Variants in CSMD1 observed in about 807,000 individuals in gnomAD.
CSMD1 encodes the protein CUB and sushi domain-containing protein 1.
CSMD1 carries 213 observed loss-of-function variants against 417.5 expected under a neutral mutation model. The ratio of observed to expected loss-of-function variants is 0.51; its 90% confidence interval spans 0.46 to 0.57. The LOEUF is 0.57. CSMD1 is among the 20% of genes least tolerant of loss of function. The pLI is 0.00. For synonymous variants in CSMD1, 2,862 were observed against 1,736.8 expected (o/e 1.65, Z -16.11); for missense variants, 6,923 against 4,529.7 (o/e 1.53, Z -15.17).
At chr8:3,994,489 C>G (rs1815048549) in intron 5 of CSMD1, among the ~76,000 whole-genome samples, 1 of 148,900 alleles carries the variant, frequency 6.7e-6, no homozygotes, top group South Asian at 2.1e-4. Context: ...AGTCTCACCA[C>G]TACACAAATC....
At chr8:4,586,521 CAAT>C (rs1799707846) in intron 2 of CSMD1, among the ~76,000 whole-genome samples, 1 of 152,138 alleles carries the variant, frequency 6.6e-6, no homozygotes, top group African/African-American at 2.4e-5. Context: ...CACAGCTTGG[CAAT>C]TTTCCAGGAA....
intron 1 of CSMD1, among the ~76,000 whole-genome samples, chr8:4,988,235 A>C (rs1811282792): frequency 6.6e-6 from 1 of 152,184 alleles, no homozygotes; most frequent in Non-Finnish European, 1.5e-5. Flanking sequence ...AGGATGAGGC[A>C]AACTTACATT....
At chr8:3,886,113 C>G (rs780411790) in intron 5 of CSMD1, among the ~76,000 whole-genome samples, 1 of 151,918 alleles carries the variant, frequency 6.6e-6, no homozygotes, top group Admixed American at 6.6e-5. Flanking sequence ...CACAGTGCTG[C>G]GATCTCAGCT....
chr8:3,426,727 A>C (rs2117002502), intron 12 of CSMD1, among the ~76,000 whole-genome samples: 1 of 152,318 alleles, frequency 6.6e-6, no homozygotes, highest in East Asian at 1.9e-4. Flanking sequence ...TAAACTTTAT[A>C]GTTTACTAAA....
At chr8:3,184,260 C>G (rs1037452818) in intron 36 of CSMD1, among the ~76,000 whole-genome samples, 1 of 152,198 alleles carries the variant, frequency 6.6e-6, no homozygotes, top group African/African-American at 2.4e-5. Context: ...ATTTCCCAAA[C>G]TAAGCCACTC....
chr8:3,383,552 C>CG (rs1422658035), intron 18 of CSMD1, among the ~76,000 whole-genome samples: 1 of 151,826 alleles, frequency 6.6e-6, no homozygotes. Context: ...ACCTCATGCA[C>CG]GAATGAAAAC....
At position 4,588,779 on chromosome 8, in the gene CSMD1, G is replaced by GACACACACACAC. The variant is rs10576784; in HGVS notation, c.302+48551_302+48562dup. Among the ~76,000 whole-genome samples the GACACACACACAC allele has an allele frequency of 3.2e-3, 463 of 146,442 alleles. 1 individual carries two copies. The highest frequency in any genetic ancestry group is 5.8e-3 in the East Asian group (28 of 4,850). On this transcript the variant is annotated intron_variant, in intron 2 of 69. Coordinates refer to ENST00000635120, the MANE Select transcript of CSMD1 (RefSeq NM_033225.6). ...CAGCCTGGCGACAGAGCAAGACTCC[G>GACACACACACAC]ACACACACACACACACACACACACA...
Position 3,190,041 on chromosome 8 carries a change from A to T in CSMD1, c.5269T>A (p.Phe1757Ile), listed in dbSNP as rs1744268908. Residue 1757 changes from phenylalanine (F) to isoleucine (I), a missense_variant, in exon 34 of 70, where the codon TTT (phenylalanine) becomes ATT (isoleucine). Phe to Ile is a conservative substitution (Grantham distance 21, BLOSUM62 0). Transcript: ENST00000635120. ...AATCGGACGATGGAGCCGGCAGAAA[A>T]CTCAGAACCAATTCTCCTTCCGTAT... ...PRYGRRIGSE[F>I]SAGSIVRFEC... is the part of the protein sequence containing the mutation. 1 of 1,595,246 alleles carries T rather than the reference A, an allele frequency of 6.3e-7. No individual in the cohort carries two copies. The highest frequency in any genetic ancestry group is 1.8e-5 in the Admixed American group (1 of 57,090).
At chr8:4,075,833 G>A (rs1400967986) in intron 3 of CSMD1, among the ~76,000 whole-genome samples, 1 of 152,168 alleles carries the variant, frequency 6.6e-6, no homozygotes. Context: ...AGTGAAAAAG[G>A]AAGCAGGCTA....
At chr8:3,810,424 T>G (rs1263090964) in intron 5 of CSMD1, among the ~76,000 whole-genome samples, 1 of 152,104 alleles carries the variant, frequency 6.6e-6, no homozygotes, top group Non-Finnish European at 1.5e-5. Context: ...GTTTTCTTGT[T>G]AAGAAGGGAT....
At chr8:3,546,027 A>T (rs559994032) in intron 10 of CSMD1, among the ~76,000 whole-genome samples, 2 of 152,364 alleles carry the variant, frequency 1.3e-5, no homozygotes, top group East Asian at 1.9e-4. Flanking sequence ...AGATTTCTCT[A>T]ATAAACCAAA....
chr8:4,310,614 G>T (rs1798507604), intron 3 of CSMD1, among the ~76,000 whole-genome samples: 1 of 152,086 alleles, frequency 6.6e-6, no homozygotes, highest in Admixed American at 6.6e-5. Flanking sequence ...AAATCAACAT[G>T]GTATGTTAGG....
chr8:4,172,483 A>C (rs1052251490), intron 3 of CSMD1, among the ~76,000 whole-genome samples: 7 of 152,030 alleles, frequency 4.6e-5, no homozygotes, highest in African/African-American at 1.5e-4. Context: ...TATTCACATG[A>C]CAATTAAAAA....
intron 54 of CSMD1, among the ~76,000 whole-genome samples, chr8:2,995,151 G>A (rs1444989850): frequency 6.6e-6 from 1 of 152,116 alleles, no homozygotes; most frequent in African/African-American, 2.4e-5. Flanking sequence ...CCTGACAAAT[G>A]ACTATTACAC....
At chr8:4,917,440 C>A (rs1286389532) in intron 1 of CSMD1, among the ~76,000 whole-genome samples, 1 of 152,104 alleles carries the variant, frequency 6.6e-6, no homozygotes, top group East Asian at 1.9e-4. Context: ...CGAGACCACC[C>A]TGGCTAACAC....
chr8:3,693,343 C>T (rs904792248), intron 7 of CSMD1, among the ~76,000 whole-genome samples: 1 of 151,698 alleles, frequency 6.6e-6, no homozygotes, highest in Non-Finnish European at 1.5e-5. Flanking sequence ...CAATTATTGT[C>T]AGATGTCCAA....
At chr8:3,866,684 G>T (rs966430910) in intron 5 of CSMD1, among the ~76,000 whole-genome samples, 20 of 151,486 alleles carry the variant, frequency 1.3e-4, no homozygotes, top group African/African-American at 4.8e-4. Flanking sequence ...TATAGATACA[G>T]CTGTTCTCAA....
chr8:3,570,958 T>G (rs1214554479), intron 10 of CSMD1, among the ~76,000 whole-genome samples: 1 of 152,216 alleles, frequency 6.6e-6, no homozygotes, highest in Admixed American at 6.5e-5. Flanking sequence ...TAAAATGTGC[T>G]ATAGGCACAT....
chr8:3,464,522 T>C (rs756178113), intron 12 of CSMD1, among the ~76,000 whole-genome samples: 3 of 151,216 alleles, frequency 2.0e-5, no homozygotes, highest in East Asian at 1.9e-4. Context: ...TTTTCTTATA[T>C]AGTATTCTGA....
Sources: allele counts gnomAD v4.1 joint callset (sites outside exome capture counted in the v4.1 genomes callset), GRCh38; gene constraint gnomAD v4.1.1; transcripts MANE v1.5; gene names NCBI Gene and HGNC (gene_info 2026-07-23, HGNC 2026-07-21).